RBM26: variants seen among roughly 807,000 people sequenced by gnomAD.
RBM26 encodes the protein RNA-binding protein 26.
A neutral mutation model predicts 123.6 loss-of-function variants in RBM26; 30 were observed. That is an observed-to-expected ratio of 0.24 (90% CI 0.18 to 0.33). The LOEUF (loss-of-function observed/expected upper bound fraction) is 0.33, where lower values mean the gene tolerates loss of function less well. Ranked by LOEUF, RBM26 falls within the 10% of genes least tolerant of loss-of-function variation. The pLI is 1.00. For synonymous variants in RBM26, 400 were observed against 404.4 expected (o/e 0.99, Z 0.13); for missense variants, 947 against 1,203.6 (o/e 0.79, Z 3.15).
chr13:79,351,068 T>C (rs985281968), intron 14 of RBM26, among the ~76,000 whole-genome samples: 9 of 152,162 alleles, frequency 5.9e-5, no homozygotes, highest in African/African-American at 2.2e-4. Flanking sequence ...GCATAATATA[T>C]GGGTATATAT....
chr13:79,369,891 G>A (rs1016509915), intron 5 of RBM26, among the ~76,000 whole-genome samples: 1 of 152,070 alleles, frequency 6.6e-6, no homozygotes, highest in Non-Finnish European at 1.5e-5. Flanking sequence ...AATAAATGAT[G>A]TACATATTCA....
At position 79,368,893 on chromosome 13, in the gene RBM26, G is replaced by T; in HGVS notation, c.732C>A (p.Gly244=). The T allele has an allele frequency of 1.2e-6, 2 of 1,613,020 alleles. No individual in the cohort carries two copies. The highest frequency in any genetic ancestry group is 1.7e-6 in the Non-Finnish European group (2 of 1,179,076). The change falls in exon 6 of 22, where the codon GGC becomes GGA. Residue 244 remains glycine, a synonymous_variant. Transcript: ENST00000438737. ...TGCTCAAAGTAGGTACAGGGTAGTG[G>T]CCAGATGAAATACTAGGTACCGAAG... The part of the protein sequence containing the change: ...PVSSVPSISS[G]HYPVPTLSST...
At chr13:79,402,665 T>C (rs2079150969) in intron 1 of RBM26, among the ~76,000 whole-genome samples, 1 of 152,158 alleles carries the variant, frequency 6.6e-6, no homozygotes, top group African/African-American at 2.4e-5. Context: ...AGGACCTCCA[T>C]ACAATCTGTT....
chr13:79,341,037 G>T, intron 18 of RBM26, 86 bp downstream of exon 18: 1 of 687,522 alleles, frequency 1.5e-6, no homozygotes, highest in Non-Finnish European at 2.4e-6. Flanking sequence ...TAATGAGAAT[G>T]AAGGGAAGGG....
intron 1 of RBM26, among the ~76,000 whole-genome samples, chr13:79,402,451 T>TA (rs983433096): frequency 1.3e-5 from 2 of 151,120 alleles, no homozygotes; most frequent in East Asian, 1.9e-4. Flanking sequence ...TTTTTTTTTT[T>TA]AAACATCCAT....
At position 79,385,930 on chromosome 13, in the gene RBM26, G is replaced by A. The variant is rs1334586398; in HGVS notation, c.72-7023C>T. Among the ~76,000 whole-genome samples, 3 of 151,910 alleles carry A rather than the reference G, an allele frequency of 2.0e-5. No homozygotes were observed. In the East Asian group the frequency reaches 5.8e-4, roughly 29 times the overall value. On this transcript the variant is annotated intron_variant, in intron 1 of 21. Transcript: ENST00000438737. ...CCAGCTTACATTATTCTAACAGCTA[G>A]TGAAACCAGAAAAAGGAGGCTACTC...
intron 20 of RBM26, among the ~76,000 whole-genome samples, chr13:79,325,194 A>G (rs1593916219): frequency 1.3e-5 from 2 of 152,248 alleles, no homozygotes; most frequent in East Asian, 1.9e-4. Context: ...GACTGTTACT[A>G]GTTTACATAT....
intron 9 of RBM26, among the ~76,000 whole-genome samples, chr13:79,363,358 A>C (rs763467728): frequency 6.6e-6 from 1 of 152,182 alleles, no homozygotes; most frequent in Non-Finnish European, 1.5e-5. Context: ...AGTAAATTTA[A>C]AATCCAAACT....
At chr13:79,374,848 G>A (rs2140167905) in intron 3 of RBM26, among the ~76,000 whole-genome samples, 1 of 151,576 alleles carries the variant, frequency 6.6e-6, no homozygotes, top group South Asian at 2.1e-4. Context: ...GAAAGATCAG[G>A]GATAAGTATC....
intron 3 of RBM26, chr13:79,377,141 T>C: frequency 2.7e-6 from 1 of 375,704 alleles, no homozygotes; most frequent in East Asian, 4.2e-5. Flanking sequence ...TGTTTTCCAC[T>C]GGACTTGGCC....
At position 79,389,048 on chromosome 13, in the gene RBM26, AT is replaced by A. The variant is rs200581316; in HGVS notation, c.72-10142del. Among the ~76,000 whole-genome samples, 89 of 152,294 alleles carry A rather than the reference AT, an allele frequency of 5.8e-4. 1 individual carries two copies. Among genetic ancestry groups the A allele is most frequent in the East Asian group, 5.2e-3 (27 of 5,192 alleles). ...AGTGACTTCATTTAAGATTTTATAAATTTTTTTATCAACTTTTAAATTGCCT... is the reference window on the plus strand; with the variant it reads ...AGTGACTTCATTTAAGATTTTATAAATTTTTTATCAACTTTTAAATTGCCT... On this transcript the variant is annotated intron_variant, in intron 1 of 21. Transcript: ENST00000438737.
intron 3 of RBM26, among the ~76,000 whole-genome samples, chr13:79,373,477 TAC>T (rs1450873423): frequency 0.7 from 47,146 of 67,006 alleles, 14,136 homozygotes; most frequent in South Asian, 0.73. Flanking sequence ...TGTATAAATA[TAC>T]AAATATATAT....
intron 19 of RBM26, among the ~76,000 whole-genome samples, chr13:79,335,666 T>G (rs1250731201): frequency 6.6e-6 from 1 of 152,122 alleles, no homozygotes; most frequent in Non-Finnish European, 1.5e-5. Context: ...TGGAGTGAAA[T>G]TTCAATGTCC....
chr13:79,367,433 G>A (rs73234611), intron 6 of RBM26, among the ~76,000 whole-genome samples: 7,825 of 33,688 alleles, frequency 0.23, 463 homozygotes, highest in East Asian at 0.48. Context: ...AAAAAAAAAA[G>A]AAGAAGAAGA....
chr13:79,384,739 A>C (rs1430899057), intron 1 of RBM26, among the ~76,000 whole-genome samples: 2 of 152,212 alleles, frequency 1.3e-5, no homozygotes, highest in African/African-American at 4.8e-5. Flanking sequence ...ATGTTATAAT[A>C]AAATATCTTT....
intron 5 of RBM26, among the ~76,000 whole-genome samples, chr13:79,370,431 T>C (rs746094345): frequency 3.9e-5 from 6 of 152,226 alleles, no homozygotes; most frequent in Non-Finnish European, 8.8e-5. Context: ...CAATAGTTCT[T>C]TTCTTTTTAT....
intron 1 of RBM26, among the ~76,000 whole-genome samples, chr13:79,386,367 A>T (rs2077478015): frequency 1.3e-5 from 2 of 151,610 alleles, no homozygotes; most frequent in South Asian, 2.1e-4. Flanking sequence ...GAATCCTGAT[A>T]TCACACTTGA....
At chr13:79,345,093 T>A (rs2072089879) in intron 14 of RBM26, among the ~76,000 whole-genome samples, 1 of 152,126 alleles carries the variant, frequency 6.6e-6, no homozygotes, top group Admixed American at 6.5e-5. Context: ...GAGAAAGCAT[T>A]AGTTGTTGAA....
At chr13:79,325,456 T>G (rs997198840) in intron 20 of RBM26, among the ~76,000 whole-genome samples, 1 of 152,272 alleles carries the variant, frequency 6.6e-6, no homozygotes, top group Admixed American at 6.6e-5. Flanking sequence ...TGTTTAGACA[T>G]AGACTAATGT....
Sources: allele counts gnomAD v4.1 joint callset (sites outside exome capture counted in the v4.1 genomes callset), GRCh38; gene constraint gnomAD v4.1.1; transcripts MANE v1.5; gene names NCBI Gene and HGNC (gene_info 2026-07-23, HGNC 2026-07-21).